BBS9: variants seen among roughly 807,000 people sequenced by gnomAD.
BBS9 encodes protein PTHB1.
In BBS9, 89 loss-of-function variants were observed where a neutral mutation model predicts 117.7. The observed-to-expected ratio is 0.76, with a 90% CI of 0.64 to 0.90. The LOEUF is 0.90. Among genes scored for constraint, BBS9 ranks in the 40% least tolerant of loss-of-function variants. BBS9 has a pLI of 0.00. For missense variants in BBS9, 982 were observed against 1,042.2 expected, an observed-to-expected ratio of 0.94 and a Z score of 0.80; for synonymous variants, 379 against 370.9, an observed-to-expected ratio of 1.02 and a Z score of -0.25.
At chr7:33,443,614 A>G (rs1307609677) in intron 19 of BBS9, among the ~76,000 whole-genome samples, 1 of 152,250 alleles carries the variant, frequency 6.6e-6, no homozygotes, top group Non-Finnish European at 1.5e-5. Flanking sequence ...TCCCTATTAC[A>G]CATAAGCGTG....
intron 19 of BBS9, among the ~76,000 whole-genome samples, chr7:33,431,150 A>G (rs957230989): frequency 6.6e-6 from 1 of 151,540 alleles, no homozygotes; most frequent in Non-Finnish European, 1.5e-5. Flanking sequence ...AGCCAAGATC[A>G]TGCCACTGCA....
At chr7:33,325,321 T>G (rs904823075) in intron 9 of BBS9, among the ~76,000 whole-genome samples, 1 of 152,210 alleles carries the variant, frequency 6.6e-6, no homozygotes, top group Non-Finnish European at 1.5e-5. Flanking sequence ...AATTTCTGCT[T>G]GATTCTTTTA....
At chr7:33,264,093 C>T (rs1798399527) in intron 6 of BBS9, among the ~76,000 whole-genome samples, 197 bp from the exon 7 acceptor site, 1 of 151,964 alleles carries the variant, frequency 6.6e-6, no homozygotes, top group African/African-American at 2.4e-5. Context: ...GTTATAATTT[C>T]TTTATCATGA....
At chr7:33,422,446 G>A (rs554320268) in intron 19 of BBS9, among the ~76,000 whole-genome samples, 1 of 152,302 alleles carries the variant, frequency 6.6e-6, no homozygotes, top group Non-Finnish European at 1.5e-5. Context: ...GAGAGAAAGT[G>A]ATATTTTTTA....
intron 17 of BBS9, among the ~76,000 whole-genome samples, chr7:33,376,877 C>T (rs1324060110): frequency 8.5e-5 from 13 of 152,084 alleles, no homozygotes; most frequent in Admixed American, 8.5e-4. Context: ...ATCCTTTGCT[C>T]ACTTTTTAAT....
Position 33,407,065 on chromosome 7 carries a change from A to G in BBS9, c.2115+18921A>G, listed in dbSNP as rs371535801. ...GTTCCATTCTCCCCATCACTTTCAG[A>G]TACACCAATCAGACGTAGATTTGGT... On this transcript the variant is annotated intron_variant, in intron 19 of 22. Transcript: ENST00000242067. 4.5e-4 allele frequency among the ~76,000 whole-genome samples: 68 copies of G among 152,250 alleles called. 3 individuals carry two copies. Among genetic ancestry groups the G allele is most frequent in the African/African-American group, 1.5e-3 (62 of 41,540 alleles).
At chr7:33,288,329 C>T (rs527535548) in intron 9 of BBS9, among the ~76,000 whole-genome samples, 10 of 152,130 alleles carry the variant, frequency 6.6e-5, no homozygotes, top group Non-Finnish European at 1.3e-4. Context: ...CTACTTAATT[C>T]TCTTGGTTGT....
At chr7:33,539,678 C>T (rs1038904024) in intron 21 of BBS9, among the ~76,000 whole-genome samples, 28 of 152,308 alleles carry the variant, frequency 1.8e-4, no homozygotes, top group African/African-American at 6.3e-4. Flanking sequence ...AAGTTATTTT[C>T]ATCAGAAACA....
intron 21 of BBS9, among the ~76,000 whole-genome samples, chr7:33,596,359 T>TTATCTATCTATCTATCTATCTATCTATC (rs140019958): frequency 2.1e-5 from 3 of 144,914 alleles, no homozygotes; most frequent in East Asian, 2.1e-4. Flanking sequence ...TGATATATAA[T>TTATCTATCTATCTATCTATCTATCTATC]TATCTATCTA....
At chr7:33,248,027 G>A (rs1795635853) in intron 5 of BBS9, among the ~76,000 whole-genome samples, 1 of 152,078 alleles carries the variant, frequency 6.6e-6, no homozygotes, top group Non-Finnish European at 1.5e-5. Flanking sequence ...GTCTTTGTGA[G>A]GCAATTAAAA....
intron 9 of BBS9, among the ~76,000 whole-genome samples, chr7:33,279,965 A>G (rs1801500085): frequency 6.6e-6 from 1 of 152,236 alleles, no homozygotes; most frequent in Admixed American, 6.5e-5. Flanking sequence ...GAAACTTCAC[A>G]AAGATGAGAA....
At chr7:33,273,279 T>C (rs1334673206) in intron 8 of BBS9, 84 bp downstream of exon 8, 1 of 1,341,178 alleles carries the variant, frequency 7.5e-7, no homozygotes, top group Non-Finnish European at 1.1e-6. Context: ...CATACACATA[T>C]TGTAAACATA....
chr7:33,540,258 C>T (rs975507413), intron 21 of BBS9, among the ~76,000 whole-genome samples: 9 of 152,158 alleles, frequency 5.9e-5, no homozygotes, highest in African/African-American at 2.2e-4. Context: ...CCTACCTCAT[C>T]CCATATCACA....
chr7:33,140,796 G>T (rs1243210734), intron 1 of BBS9, among the ~76,000 whole-genome samples: 1 of 152,006 alleles, frequency 6.6e-6, no homozygotes, highest in African/African-American at 2.4e-5. Context: ...AATAACAAAT[G>T]GTGCAAATAT....
At chr7:33,410,083 G>A (rs1830837429) in intron 19 of BBS9, among the ~76,000 whole-genome samples, 1 of 151,966 alleles carries the variant, frequency 6.6e-6, no homozygotes, top group Non-Finnish European at 1.5e-5. Flanking sequence ...TTTTCTCCTG[G>A]TGAGCCTGGA....
chr7:33,410,435 T>C (rs1258545266), intron 19 of BBS9, among the ~76,000 whole-genome samples: 2 of 152,254 alleles, frequency 1.3e-5, no homozygotes, highest in South Asian at 4.2e-4. Flanking sequence ...TCTTGGTCAG[T>C]CACCTCTCCC....
chr7:33,600,231 A>G (rs978729184), intron 21 of BBS9, among the ~76,000 whole-genome samples: 2 of 152,202 alleles, frequency 1.3e-5, no homozygotes, highest in Admixed American at 1.3e-4. Context: ...CAAAGTGTTG[A>G]GAAACTTTTG....
rs796445271 is a variant in BBS9, at chr7:33,322,781, G to T, written c.1017-13660G>T. 6.6e-5 allele frequency among the ~76,000 whole-genome samples: 10 copies of T among 151,768 alleles called. No individual in the cohort carries two copies. In the East Asian group the frequency reaches 1.7e-3, roughly 26 times the overall value. On this transcript the variant is annotated intron_variant, in intron 9 of 22. Coordinates refer to ENST00000242067, the MANE Select transcript of BBS9 (RefSeq NM_198428.3). Reference sequence around the variant, plus strand: ...TATTTTTCTCTTTTAGTAATCTTGGGTTTGATTTGCTTTTGCTTTTCAGAT... The same window carrying T: ...TATTTTTCTCTTTTAGTAATCTTGGTTTTGATTTGCTTTTGCTTTTCAGAT...
chr7:33,280,603 G>A (rs962218850), intron 9 of BBS9, among the ~76,000 whole-genome samples: 2 of 151,864 alleles, frequency 1.3e-5, no homozygotes, highest in Non-Finnish European at 2.9e-5. Flanking sequence ...CTAACTCTCC[G>A]ACTAGATAAT....
Sources: gnomAD v4.1 joint callset for allele counts (sites outside exome capture counted in the v4.1 genomes callset) on GRCh38, gnomAD v4.1.1 for gene constraint, MANE v1.5 for transcripts, NCBI Gene and HGNC (gene_info 2026-07-23, HGNC 2026-07-21) for gene names.